The following SEMA3A variants were observed in gnomAD, a reference collection of about 807,000 sequenced individuals.
SEMA3A encodes the protein semaphorin-3A.
A neutral mutation model predicts 97.9 loss-of-function variants in SEMA3A; 29 were observed. The ratio of observed to expected loss-of-function variants is 0.30; its 90% CI spans 0.22 to 0.40. The LOEUF is 0.40. Ranked by LOEUF, SEMA3A falls within the 10% of genes least tolerant of loss-of-function variation. The pLI is 1.00. For missense variants in SEMA3A, 763 were observed against 951.3 expected (o/e 0.80, Z 2.60); for synonymous variants, 321 against 323.7 (o/e 0.99, Z 0.09).
Position 83,994,904 on chromosome 7 carries a change from C to T in SEMA3A, c.1452+7051G>A, listed in dbSNP as rs1001910659. Among the ~76,000 whole-genome samples, 48 of 152,180 alleles carry T rather than the reference C, an allele frequency of 3.2e-4. 1 individual carries two copies. Among genetic ancestry groups the T allele is most frequent in the Admixed American group, 2.5e-3 (38 of 15,280 alleles). Reference sequence around the variant, plus strand: ...TCAAGCCTGGGCAATGGCGGGCACCCCTCCCCCAGCCTAGCTGCCGCCTTG... The same window carrying T: ...TCAAGCCTGGGCAATGGCGGGCACCTCTCCCCCAGCCTAGCTGCCGCCTTG... On this transcript the variant is annotated intron_variant, in intron 12 of 16. Coordinates refer to ENST00000265362, the MANE Select transcript of SEMA3A (RefSeq NM_006080.3).
chr7:84,194,781 C>G lies in SEMA3A; in HGVS notation c.-195G>C. 3.9e-6 allele frequency: 1 copy of G among 256,200 alleles called. No homozygotes were observed. The highest frequency in any genetic ancestry group is 7.0e-6 in the Non-Finnish European group (1 of 142,390). The allele number at this position is 256,200 out of a possible 1,614,324, so 15.9% of individuals were successfully genotyped here. ...AACAGTCACTGAAGCACAGAAACTT[C>G]AAACCCTCCAAAAAGAAAAAAAAAA... On this transcript the variant is annotated 5_prime_UTR_variant, in exon 1 of 17. Transcript: ENST00000265362.
chr7:84,401,378 A>G (rs931972814), intron 1 of SEMA3A, among the ~76,000 whole-genome samples: 16 of 152,262 alleles, frequency 1.1e-4, no homozygotes, highest in African/African-American at 3.9e-4. Flanking sequence ...ATGGAAAAAT[A>G]TTCCATTTTC....
At chr7:84,431,005 G>A (rs775660982) in intron 1 of SEMA3A, among the ~76,000 whole-genome samples, 3 of 151,934 alleles carry the variant, frequency 2.0e-5, no homozygotes, top group Admixed American at 6.6e-5. Context: ...AATAGAAGCT[G>A]TATAACATTT....
intron 3 of SEMA3A, among the ~76,000 whole-genome samples, chr7:84,231,996 ATGTG>A (rs1015618914): frequency 6.6e-6 from 1 of 150,712 alleles, no homozygotes; most frequent in Non-Finnish European, 1.5e-5. Flanking sequence ...AGGTATGTGT[ATGTG>A]TGTGTGTGTG....
At chr7:84,227,559 T>C (rs1584145572) in intron 3 of SEMA3A, among the ~76,000 whole-genome samples, 1 of 152,198 alleles carries the variant, frequency 6.6e-6, no homozygotes, top group East Asian at 1.9e-4. Flanking sequence ...TCTTATTATA[T>C]TATTTGTCTT....
At chr7:84,198,970 T>C (rs74527149), upstream of SEMA3A, among the ~76,000 whole-genome samples, 184 of 152,342 alleles carry the variant, frequency 1.2e-3, no homozygotes, top group Non-Finnish European at 2.3e-3. Context: ...GCTATGTATT[T>C]TTTATCTTTT....
At chr7:84,042,728 A>G (rs984940365) in intron 6 of SEMA3A, among the ~76,000 whole-genome samples, 2 of 152,058 alleles carry the variant, frequency 1.3e-5, no homozygotes, top group African/African-American at 4.8e-5. Context: ...TTCTAAAGAT[A>G]GTCTTTCTTC....
rs563891033 is a variant in SEMA3A, at chr7:84,420,952, A to G, written c.-245-49052T>C. Among the ~76,000 whole-genome samples the G allele has an allele frequency of 2.0e-5, 3 of 152,078 alleles. No homozygotes were observed. The East Asian group carries it at 5.8e-4, about 29-fold the overall frequency. On this transcript the variant is annotated intron_variant, in intron 1 of 3. Transcript: ENST00000424555. ...TTTCAAAAAACCAGCTCCTAGATTCATTGATTTTTTAAAGGATTTTTTGTG... is the reference window on the plus strand; with the variant it reads ...TTTCAAAAAACCAGCTCCTAGATTCGTTGATTTTTTAAAGGATTTTTTGTG...
At chr7:84,279,727 A>T (rs1800391010) in intron 3 of SEMA3A, among the ~76,000 whole-genome samples, 2 of 152,186 alleles carry the variant, frequency 1.3e-5, no homozygotes, top group South Asian at 4.1e-4. Flanking sequence ...AGGTTTTCTA[A>T]TATGAAATAG....
intron 3 of SEMA3A, among the ~76,000 whole-genome samples, chr7:84,213,881 T>C (rs987502836): frequency 1.3e-5 from 2 of 152,236 alleles, no homozygotes; most frequent in African/African-American, 4.8e-5. Flanking sequence ...GCCCCAGCAC[T>C]ATCATGGAAA....
chr7:84,214,945 C>T (rs1364277545), intron 3 of SEMA3A, among the ~76,000 whole-genome samples: 2 of 150,080 alleles, frequency 1.3e-5, no homozygotes, highest in East Asian at 4.0e-4. Flanking sequence ...AGATGATCCG[C>T]CCCCCCTTGG....
chr7:84,447,541 A>T (rs1234197960), intron 1 of SEMA3A, among the ~76,000 whole-genome samples: 6 of 152,086 alleles, frequency 3.9e-5, no homozygotes, highest in Non-Finnish European at 1.5e-5. Context: ...ACTCAAACAG[A>T]CGTCAGAACT....
intron 1 of SEMA3A, among the ~76,000 whole-genome samples, chr7:84,381,794 T>C (rs1007625138): frequency 1.3e-5 from 2 of 152,166 alleles, no homozygotes; most frequent in African/African-American, 2.4e-5. Context: ...TGAACCTCAG[T>C]AGCAAATACA....
chr7:84,326,003 T>C (rs1244866504), intron 2 of SEMA3A, among the ~76,000 whole-genome samples: 1 of 152,118 alleles, frequency 6.6e-6, no homozygotes, highest in East Asian at 1.9e-4. Context: ...TCATACAGTA[T>C]TTGTCTTTCT....
intron 3 of SEMA3A, among the ~76,000 whole-genome samples, chr7:84,125,522 G>A (rs1351788725): frequency 6.6e-6 from 1 of 152,190 alleles, no homozygotes; most frequent in East Asian, 1.9e-4. Flanking sequence ...GGATGTGATG[G>A]TGGACACCTG....
chr7:84,319,551 C>G (rs1019748557), intron 2 of SEMA3A, among the ~76,000 whole-genome samples: 1 of 151,932 alleles, frequency 6.6e-6, no homozygotes, highest in Non-Finnish European at 1.5e-5. Flanking sequence ...GTAAAATTCA[C>G]CTGCTAGATG....
chr7:84,145,244 C>T (rs1052730124), intron 1 of SEMA3A, among the ~76,000 whole-genome samples: 1 of 151,934 alleles, frequency 6.6e-6, no homozygotes, highest in Non-Finnish European at 1.5e-5. Context: ...AGCATAGTGC[C>T]CTGTACATAC....
At chr7:84,338,342 C>T (rs958258379) in intron 2 of SEMA3A, among the ~76,000 whole-genome samples, 1 of 151,830 alleles carries the variant, frequency 6.6e-6, no homozygotes, top group Non-Finnish European at 1.5e-5. Context: ...TTAACTATAA[C>T]CAAAGTGTAG....
intron 4 of SEMA3A, among the ~76,000 whole-genome samples, chr7:84,091,137 AAGGAAG>A (rs1794561321): frequency 9.1e-5 from 2 of 22,070 alleles, no homozygotes; most frequent in Non-Finnish European, 9.8e-5. Context: ...AGAAAGAAAG[AAGGAAG>A]GAAGGAAGGA....
Sources: allele counts gnomAD v4.1 joint callset (sites outside exome capture counted in the v4.1 genomes callset), GRCh38; gene constraint gnomAD v4.1.1; transcripts MANE v1.5; gene names NCBI Gene and HGNC (gene_info 2026-07-23, HGNC 2026-07-21).